RELN: variants seen among roughly 807,000 people sequenced by gnomAD.
RELN encodes reelin.
Under a neutral mutation model 427.6 loss-of-function variants are expected in RELN, and 108 were observed. The observed-to-expected ratio is 0.25, with a 90% confidence interval of 0.22 to 0.30. RELN has a LOEUF of 0.30. Ranked by LOEUF, RELN falls within the 10% of genes least tolerant of loss-of-function variation. The pLI is 1.00. For synonymous variants in RELN, 1,524 were observed against 1,513.4 expected, an observed-to-expected ratio of 1.01 and a Z score of -0.16; for missense variants, 3,715 against 4,302.8, an observed-to-expected ratio of 0.86 and a Z score of 3.82.
chr7:103,727,948 A>G (rs750133591), intron 7 of RELN, among the ~76,000 whole-genome samples, 163 bp downstream of exon 7: 1 of 152,226 alleles, frequency 6.6e-6, no homozygotes. Flanking sequence ...ATCCAAAAAT[A>G]GGCCATAGAA....
chr7:103,747,738 A>T (rs761603639), intron 6 of RELN, among the ~76,000 whole-genome samples: 12 of 151,224 alleles, frequency 7.9e-5, no homozygotes, highest in Non-Finnish European at 1.8e-4. Flanking sequence ...AGCATATTTG[A>T]TAAAAGGCAG....
chr7:103,806,796 C>T (rs1412105685), intron 3 of RELN, among the ~76,000 whole-genome samples: 1 of 152,104 alleles, frequency 6.6e-6, no homozygotes, highest in East Asian at 1.9e-4. Context: ...CAACTAAATC[C>T]ATTAGAGTCA....
At chr7:103,947,966 TAC>T (rs1174568365) in intron 1 of RELN, among the ~76,000 whole-genome samples, 1 of 152,210 alleles carries the variant, frequency 6.6e-6, no homozygotes, top group Non-Finnish European at 1.5e-5. Context: ...AATTTCTGTC[TAC>T]ACAGATAGCA....
intron 11 of RELN, among the ~76,000 whole-genome samples, chr7:103,674,116 A>G (rs946489800): frequency 6.6e-6 from 1 of 152,172 alleles, no homozygotes; most frequent in Non-Finnish European, 1.5e-5. Flanking sequence ...ATGAAGTAAC[A>G]TTTCAATACT....
At chr7:103,477,620 C>A (rs78558097) in intron 64 of RELN, among the ~76,000 whole-genome samples, 2 of 152,200 alleles carry the variant, frequency 1.3e-5, no homozygotes, top group Non-Finnish European at 2.9e-5. Context: ...AGTGCAGACA[C>A]AAACATCTCA....
At chr7:103,690,215 G>C (rs1185803048) in intron 10 of RELN, among the ~76,000 whole-genome samples, 1 of 151,900 alleles carries the variant, frequency 6.6e-6, no homozygotes, top group Non-Finnish European at 1.5e-5. Flanking sequence ...TATCATTCCT[G>C]AATATGAGAA....
At chr7:103,642,349 G>GTTTTTTTTTTTTTTTTTTTTTTTT (rs201250403) in intron 16 of RELN, among the ~76,000 whole-genome samples, 1 of 112,736 alleles carries the variant, frequency 8.9e-6, no homozygotes, top group Non-Finnish European at 1.8e-5. Flanking sequence ...ATTTCATAGT[G>GTTTTTTTTTTTTTTTTTTTTTTTT]TTTTTTTTTT....
intron 1 of RELN, among the ~76,000 whole-genome samples, chr7:103,985,175 T>TA (rs777163559): frequency 3.3e-4 from 51 of 152,302 alleles, no homozygotes; most frequent in Non-Finnish European, 5.1e-4. Flanking sequence ...TGGGAGTAGA[T>TA]ATACAGCATG....
chr7:103,588,834 C>A (rs2159676), intron 28 of RELN, among the ~76,000 whole-genome samples: 97,318 of 151,482 alleles, frequency 0.64, 31,605 homozygotes, highest in Non-Finnish European at 0.68. Context: ...CAAATTATCC[C>A]GTCACAGGAC....
intron 46 of RELN, among the ~76,000 whole-genome samples, chr7:103,525,492 T>A (rs1422768652): frequency 6.6e-6 from 1 of 152,182 alleles, no homozygotes; most frequent in Non-Finnish European, 1.5e-5. Context: ...ATTCTCACAG[T>A]AAGCAATGTG....
chr7:103,618,758 G>T (rs1832142444), intron 20 of RELN, among the ~76,000 whole-genome samples: 1 of 152,124 alleles, frequency 6.6e-6, no homozygotes, highest in Non-Finnish European at 1.5e-5. Context: ...GAATCTTAAA[G>T]CTAGATAAAC....
chr7:103,697,842 A>C lies in RELN; in HGVS notation c.1143+11T>G. 6.2e-7 allele frequency: 1 copy of C among 1,613,510 alleles called. No homozygotes were observed. Among genetic ancestry groups the C allele is most frequent in the South Asian group, 1.1e-5 (1 of 91,058 alleles). The stretch of plus-strand genomic sequence containing the variant: ...GATTAAAACAACCCAAAAACTAAAA[A>C]GAGCTCTAACCTTAACTGTAGCTCC... On this transcript the variant is annotated intron_variant, in intron 10 of 64. Transcript: ENST00000428762.
intron 2 of RELN, among the ~76,000 whole-genome samples, chr7:103,904,364 C>T (rs10247071): frequency 0.21 from 31,353 of 152,034 alleles, 3,911 homozygotes; most frequent in East Asian, 0.4. Context: ...CCTTTGGGTA[C>T]ATATCCAGTA....
intron 2 of RELN, among the ~76,000 whole-genome samples, chr7:103,885,317 C>T (rs941291489): frequency 6.1e-5 from 9 of 147,980 alleles, no homozygotes; most frequent in Admixed American, 4.1e-4. Context: ...CCAGGCTGGG[C>T]GACAGAGCAA....
intron 2 of RELN, among the ~76,000 whole-genome samples, chr7:103,882,365 A>G (rs2116564322): frequency 6.6e-6 from 1 of 152,276 alleles, no homozygotes; most frequent in Middle Eastern, 3.4e-3. Context: ...ATGACTCTTC[A>G]TTCTCTAAAT....
chr7:103,814,470 G>A (rs1792820858), intron 3 of RELN, among the ~76,000 whole-genome samples: 1 of 152,290 alleles, frequency 6.6e-6, no homozygotes, highest in South Asian at 2.1e-4. Flanking sequence ...AAGTAAGCCT[G>A]TTCCAGAAAA....
intron 11 of RELN, among the ~76,000 whole-genome samples, chr7:103,672,405 G>A (rs1383341252): frequency 2.0e-5 from 3 of 152,104 alleles, no homozygotes; most frequent in African/African-American, 7.2e-5. Flanking sequence ...CTTCTATGAA[G>A]GAGCTCCAGA....
chr7:103,882,505 G>T (rs1794630168), intron 2 of RELN, among the ~76,000 whole-genome samples: 1 of 151,448 alleles, frequency 6.6e-6, no homozygotes, highest in Admixed American at 6.6e-5. Flanking sequence ...AAATCCTCCT[G>T]CCTGCTGGTT....
intron 6 of RELN, among the ~76,000 whole-genome samples, chr7:103,738,966 C>T (rs1790567889): frequency 6.6e-6 from 1 of 152,052 alleles, no homozygotes; most frequent in Admixed American, 6.5e-5. Context: ...CAGGCGTGAG[C>T]CATTGTGCCT....
Sources: gnomAD v4.1 joint callset for allele counts (sites outside exome capture counted in the v4.1 genomes callset) on GRCh38, gnomAD v4.1.1 for gene constraint, MANE v1.5 for transcripts, NCBI Gene and HGNC (gene_info 2026-07-23, HGNC 2026-07-21) for gene names.